The following RBFOX1 variants were observed in gnomAD, a reference collection of about 807,000 sequenced individuals.
The protein encoded by RBFOX1 is RNA binding protein fox-1 homolog 1.
A neutral mutation model predicts 57.7 loss-of-function variants in RBFOX1; 8 were observed. The observed-to-expected ratio is 0.14, with a 90% CI of 0.08 to 0.25. RBFOX1 has a LOEUF of 0.25. RBFOX1 is among the 10% of genes least tolerant of loss of function. The pLI is 1.00. For synonymous variants in RBFOX1, 326 were observed against 222.4 expected (o/e 1.47, Z -4.15); for missense variants, 611 against 548.5 (o/e 1.11, Z -1.14).
At chr16:5,271,399 G>T (rs966763575) in intron 1 of RBFOX1, among the ~76,000 whole-genome samples, 2 of 152,156 alleles carry the variant, frequency 1.3e-5, no homozygotes, top group Non-Finnish European at 2.9e-5. Context: ...ACATACCCAG[G>T]CTCTACCTCC....
At chr16:7,239,409 G>T (rs920512703) in intron 4 of RBFOX1, among the ~76,000 whole-genome samples, 3 of 152,182 alleles carry the variant, frequency 2.0e-5, no homozygotes, top group Non-Finnish European at 2.9e-5. Flanking sequence ...TAAGGCACCA[G>T]AATTGCTTAA....
chr16:5,872,482 G>A (rs540822038), intron 4 of RBFOX1, among the ~76,000 whole-genome samples: 2 of 152,294 alleles, frequency 1.3e-5, no homozygotes, highest in African/African-American at 4.8e-5. Context: ...TGTAGTCCTA[G>A]CATTTTGGAG....
intron 4 of RBFOX1, among the ~76,000 whole-genome samples, chr16:7,379,469 A>G (rs1357700855): frequency 6.6e-6 from 1 of 152,210 alleles, no homozygotes; most frequent in African/African-American, 2.4e-5. Flanking sequence ...TATAAGAAGA[A>G]TGGCTTCTGC....
chr16:7,307,812 C>T (rs542790213), intron 4 of RBFOX1, among the ~76,000 whole-genome samples: 8 of 152,184 alleles, frequency 5.3e-5, no homozygotes, highest in East Asian at 1.9e-4. Flanking sequence ...TCAGATGGAA[C>T]GGACAAGTAG....
At chr16:5,904,956 G>A (rs61005207) in intron 4 of RBFOX1, among the ~76,000 whole-genome samples, 3 of 123,364 alleles carry the variant, frequency 2.4e-5, no homozygotes, top group Non-Finnish European at 4.9e-5. Context: ...CAGCCTGGGC[G>A]ACAGAGCAAG....
rs561887405 is a variant in RBFOX1 at position 7,099,951 on chromosome 16, G to T, written c.27+47853G>T. Among the ~76,000 whole-genome samples the T allele has an allele frequency of 5.3e-5, 8 of 152,038 alleles. No individual in the cohort carries two copies. The South Asian group carries it at 1.2e-3, about 24-fold the overall frequency. On this transcript the variant is annotated intron_variant, in intron 4 of 15. Coordinates refer to ENST00000550418, the MANE Select transcript of RBFOX1 (RefSeq NM_018723.4). The stretch of plus-strand genomic sequence containing the variant: ...TGTGTTGATGGTAATGGTGGAGAGG[G>T]GTATAATGAGGCATGTTCACCCCTC...
chr16:5,817,302 G>C (rs899601497), intron 3 of RBFOX1, among the ~76,000 whole-genome samples: 2 of 152,182 alleles, frequency 1.3e-5, no homozygotes, highest in Non-Finnish European at 2.9e-5. Flanking sequence ...CTTCTCCCCA[G>C]TTCCCCTCAC....
At chr16:7,692,336 C>T (rs1207102283) in intron 14 of RBFOX1, among the ~76,000 whole-genome samples, 1 of 152,022 alleles carries the variant, frequency 6.6e-6, no homozygotes, top group African/African-American at 2.4e-5. Flanking sequence ...ATTTATATTC[C>T]AGGGTGTACC....
intron 3 of RBFOX1, among the ~76,000 whole-genome samples, chr16:6,960,004 A>G (rs1026493336): frequency 4.6e-5 from 7 of 152,120 alleles, no homozygotes; most frequent in South Asian, 4.2e-4. Context: ...ATGTAACAAA[A>G]ACCCCCCAAG....
At chr16:6,487,545 C>T (rs1699000360) in intron 2 of RBFOX1, among the ~76,000 whole-genome samples, 2 of 151,214 alleles carry the variant, frequency 1.3e-5, no homozygotes, top group Non-Finnish European at 2.9e-5. Flanking sequence ...AGTTTCTAAG[C>T]ATTTACCGAT....
intron 2 of RBFOX1, among the ~76,000 whole-genome samples, chr16:6,605,433 T>G (rs1437062667): frequency 1.3e-5 from 2 of 152,204 alleles, no homozygotes; most frequent in African/African-American, 4.8e-5. Flanking sequence ...GTGAACTGGA[T>G]CTTATATTGT....
At chr16:7,559,655 G>A (rs937936947) in intron 5 of RBFOX1, among the ~76,000 whole-genome samples, 3 of 152,186 alleles carry the variant, frequency 2.0e-5, no homozygotes, top group Non-Finnish European at 2.9e-5. Context: ...GATATGGAGG[G>A]TAATTAAGAA....
At chr16:6,695,041 C>G (rs866712406) in intron 3 of RBFOX1, among the ~76,000 whole-genome samples, 2 of 152,042 alleles carry the variant, frequency 1.3e-5, no homozygotes, top group Non-Finnish European at 2.9e-5. Context: ...ATCAGCCAGG[C>G]TTTGATGCAT....
At chr16:6,597,625 G>A (rs2097789917) in intron 2 of RBFOX1, among the ~76,000 whole-genome samples, 1 of 152,124 alleles carries the variant, frequency 6.6e-6, no homozygotes, top group African/African-American at 2.4e-5. Context: ...AGTGAGCTGA[G>A]ATAGCACCAT....
At chr16:7,105,552 C>A (rs1434708732) in intron 4 of RBFOX1, among the ~76,000 whole-genome samples, 1 of 152,024 alleles carries the variant, frequency 6.6e-6, no homozygotes, top group Non-Finnish European at 1.5e-5. Flanking sequence ...TAGCTTAGCT[C>A]CCACTTACGA....
chr16:6,279,045 A>C lies in RBFOX1; in HGVS notation c.-126-37950A>C, dbSNP rs542203311. ...GCAAAATTAATTGATCCTGGTGGTGAGGTGGTGATAAATCATTGCAGGTGG... is the reference window on the plus strand; with the variant it reads ...GCAAAATTAATTGATCCTGGTGGTGCGGTGGTGATAAATCATTGCAGGTGG... On this transcript the variant is annotated intron_variant, in intron 1 of 15. Transcript: ENST00000550418. Among the ~76,000 whole-genome samples the C allele has an allele frequency of 1.1e-4, 17 of 152,228 alleles. No homozygotes were observed. The South Asian group carries it at 3.5e-3, about 32-fold the overall frequency.
intron 3 of RBFOX1, among the ~76,000 whole-genome samples, chr16:6,868,964 G>A (rs554311976): frequency 5.3e-5 from 8 of 152,238 alleles, no homozygotes; most frequent in African/African-American, 1.9e-4. Context: ...GATACATGAG[G>A]TGAGAGAAAC....
At chr16:6,072,383 G>C (rs1186689477) in intron 1 of RBFOX1, among the ~76,000 whole-genome samples, 1 of 152,088 alleles carries the variant, frequency 6.6e-6, no homozygotes, top group African/African-American at 2.4e-5. Flanking sequence ...CCATATTTTG[G>C]CTATTGTGCT....
intron 3 of RBFOX1, among the ~76,000 whole-genome samples, chr16:7,019,749 A>C (rs945169688): frequency 6.6e-6 from 1 of 152,182 alleles, no homozygotes; most frequent in Non-Finnish European, 1.5e-5. Flanking sequence ...CTGCATGTTT[A>C]TGGGCTTTGC....
Sources: allele counts gnomAD v4.1 joint callset (sites outside exome capture counted in the v4.1 genomes callset), GRCh38; gene constraint gnomAD v4.1.1; transcripts MANE v1.5; gene names NCBI Gene and HGNC (gene_info 2026-07-23, HGNC 2026-07-21).